Variants in PAFAH1B2 observed in about 807,000 individuals in gnomAD.
PAFAH1B2 encodes platelet activating factor acetylhydrolase 1b catalytic subunit 2.
In PAFAH1B2, 8 loss-of-function variants were observed where a neutral mutation model predicts 28.0. That is an observed-to-expected ratio of 0.29 (90% CI 0.17 to 0.52). PAFAH1B2 has a LOEUF of 0.52. Ranked by LOEUF, PAFAH1B2 falls within the 20% of genes least tolerant of loss-of-function variation. The probability of loss-of-function intolerance (pLI) is 0.97; values close to 1 mark genes in which losing one functional copy is unlikely to be tolerated. For synonymous variants in PAFAH1B2, 104 were observed against 103.2 expected, an observed-to-expected ratio of 1.01 and a Z score of -0.05; for missense variants, 190 against 282.6, an observed-to-expected ratio of 0.67 and a Z score of 2.35.
intron 1 of PAFAH1B2, among the ~76,000 whole-genome samples, chr11:117,150,595 C>A (rs1280765264): frequency 1.3e-5 from 2 of 151,936 alleles, no homozygotes; most frequent in South Asian, 4.1e-4. Context: ...ACGTTTGGGG[C>A]TTGGTACTTG....
rs1956610089 is a variant in PAFAH1B2 at position 117,169,929 on chromosome 11, C to T, written c.*2230C>T. The T allele has an allele frequency of 9.5e-7, 1 of 1,053,440 alleles. No homozygotes were observed. Among genetic ancestry groups the T allele is most frequent in the Non-Finnish European group, 1.1e-6 (1 of 871,888 alleles). 65.3% of individuals were successfully genotyped at this position (1,053,440 alleles called of 1,614,324 possible). ...TCTCTCTTGACTGAGGATCAAATAT[C>T]CCTTTGTGAGCTGGCCCTCAGCTCC... On this transcript the variant is annotated 3_prime_UTR_variant, in exon 6 of 6. Transcript: ENST00000527958.
intron 1 of PAFAH1B2, among the ~76,000 whole-genome samples, chr11:117,145,112 C>G (rs926360092): frequency 6.6e-6 from 1 of 152,156 alleles, no homozygotes; most frequent in Non-Finnish European, 1.5e-5. Context: ...CATGAATGTG[C>G]TCGGAGCGGC....
At chr11:117,166,211 C>A (rs1956507422) in intron 5 of PAFAH1B2, among the ~76,000 whole-genome samples, 1 of 152,110 alleles carries the variant, frequency 6.6e-6, no homozygotes, top group South Asian at 2.1e-4. Flanking sequence ...GGGGCCAGAT[C>A]TTTTTTATTA....
intron 1 of PAFAH1B2, among the ~76,000 whole-genome samples, chr11:117,144,711 C>T (rs1222951820): frequency 2.6e-5 from 4 of 152,134 alleles, no homozygotes; most frequent in African/African-American, 7.2e-5. Context: ...CCTCCACGGC[C>T]TTTCCCAGGA....
intron 1 of PAFAH1B2, among the ~76,000 whole-genome samples, chr11:117,145,002 G>C (rs1367056116): frequency 6.6e-6 from 1 of 152,094 alleles, no homozygotes; most frequent in African/African-American, 2.4e-5. Flanking sequence ...AAACTTCTCC[G>C]TTGCCTCTTA....
At position 117,170,804 on chromosome 11, in the gene PAFAH1B2, G is replaced by T; in HGVS notation, c.*3105G>T. ...AAAAATATATGGAAATGAGGAGCAT[G>T]TCCAAGCTCCTAAATCCGTGTGGGT... On this transcript the variant is annotated 3_prime_UTR_variant, in exon 6 of 6. Coordinates refer to ENST00000527958, the MANE Select transcript of PAFAH1B2 (RefSeq NM_002572.4). The T allele has an allele frequency of 9.4e-7, 1 of 1,060,444 alleles. No individual in the cohort carries two copies. The highest frequency in any genetic ancestry group is 1.1e-6 in the Non-Finnish European group (1 of 876,236). 65.7% of individuals were successfully genotyped at this position (1,060,444 alleles called of 1,614,324 possible).
intron 4 of PAFAH1B2, among the ~76,000 whole-genome samples, chr11:117,163,463 G>T (rs373620500): frequency 1.5e-4 from 23 of 152,304 alleles, no homozygotes; most frequent in African/African-American, 5.1e-4. Flanking sequence ...CCTGAGGTCA[G>T]GAGTTTGAGA....
At chr11:117,149,033 A>ATTTTTTTTTTTT (rs71037462) in intron 1 of PAFAH1B2, among the ~76,000 whole-genome samples, 154 of 118,600 alleles carry the variant, frequency 1.3e-3, no homozygotes, top group Middle Eastern at 4.3e-3. Context: ...ACACCTGCCA[A>ATTTTTTTTTTTT]TTTTTTTTTT....
chr11:117,146,114 C>CTTT (rs376242740), intron 1 of PAFAH1B2, among the ~76,000 whole-genome samples: 12 of 137,972 alleles, frequency 8.7e-5, no homozygotes, highest in East Asian at 2.1e-4. Flanking sequence ...GTCTTTCTTT[C>CTTT]TTTTTTTTTT....
chr11:117,168,446 GTTTTTTTT>G lies in PAFAH1B2; in HGVS notation c.*765_*772del, dbSNP rs71469127. The G allele has an allele frequency of 3.3e-4, 79 of 235,916 alleles. No homozygotes were observed. In the African/African-American group the frequency reaches 4.9e-3, roughly 15 times the overall value. 14.6% of individuals were successfully genotyped at this position (235,916 alleles called of 1,614,324 possible). ...TCCCCTTCATTCCCCCCGCCACCCC[GTTTTTTTT>G]TTTTTTTTTTTTTTTTTGGTTCTTG... is the stretch of plus-strand genomic sequence containing the variant. On this transcript the variant is annotated 3_prime_UTR_variant, in exon 6 of 6. Coordinates refer to ENST00000527958, the MANE Select transcript of PAFAH1B2 (RefSeq NM_002572.4).
chr11:117,162,796 C>T (rs994239267), intron 4 of PAFAH1B2, among the ~76,000 whole-genome samples: 1 of 151,760 alleles, frequency 6.6e-6, no homozygotes, highest in Non-Finnish European at 1.5e-5. Flanking sequence ...TGCATCCAGC[C>T]TCCACCTCTG....
chr11:117,163,861 C>G lies in PAFAH1B2; in HGVS notation c.380C>G (p.Thr127Arg). 1.9e-6 allele frequency: 3 copies of G among 1,613,904 alleles called. No homozygotes were observed. Among genetic ancestry groups the G allele is most frequent in the Non-Finnish European group, 2.5e-6 (3 of 1,179,926 alleles). ...GIEAIVQLIN[T>R]RQPQAKIIVL... ...GAGGCCATTGTACAACTTATCAACA[C>G]AAGGCAGCCACAGGCCAAAATCATT... The change falls in exon 5 of 6, where the codon ACA becomes AGA. Residue 127 changes from threonine to arginine, a missense_variant. Physicochemically the swap from Thr to Arg is moderately conservative, Grantham distance 71. Transcript: ENST00000527958.
At chr11:117,167,331 G>A (rs1255492252) in intron 5 of PAFAH1B2, 90 bp from the exon 6 acceptor site, 19 of 1,289,006 alleles carry the variant, frequency 1.5e-5, no homozygotes, top group Non-Finnish European at 2.0e-5. Flanking sequence ...AGTGCCAAAT[G>A]GAGATGTTCC....
intron 1 of PAFAH1B2, among the ~76,000 whole-genome samples, chr11:117,149,788 C>T (rs937381954): frequency 3.9e-5 from 6 of 152,020 alleles, no homozygotes; most frequent in African/African-American, 1.2e-4. Flanking sequence ...TTAAGATTCA[C>T]ATGAACAGTA....
At chr11:117,149,965 T>C (rs1046715338) in intron 1 of PAFAH1B2, among the ~76,000 whole-genome samples, 1 of 151,872 alleles carries the variant, frequency 6.6e-6, no homozygotes, top group Non-Finnish European at 1.5e-5. Context: ...GGTGTGGCGG[T>C]GCATGCCTGT....
At chr11:117,175,808 T>A, downstream of PAFAH1B2, 4 of 1,241,552 alleles carry the variant, frequency 3.2e-6, no homozygotes, top group Non-Finnish European at 4.5e-6. Flanking sequence ...GGTGCTTGCC[T>A]GTAATCCAGC....
chr11:117,170,297 A>G lies in PAFAH1B2; in HGVS notation c.*2598A>G. Reference sequence around the variant, plus strand: ...AACTTTCCAGGCAGCTAGCAGAGATACTATTCTCTTCCTCTCCCAGCAAAT... The same window carrying G: ...AACTTTCCAGGCAGCTAGCAGAGATGCTATTCTCTTCCTCTCCCAGCAAAT... On this transcript the variant is annotated 3_prime_UTR_variant, in exon 6 of 6. Transcript: ENST00000527958. The G allele has an allele frequency of 9.4e-7, 1 of 1,062,170 alleles. No individual in the cohort carries two copies. Among genetic ancestry groups the G allele is most frequent in the Non-Finnish European group, 1.1e-6 (1 of 877,764 alleles). The allele number at this position is 1,062,170 out of a possible 1,614,324, so 65.8% of individuals were successfully genotyped here. A position where few individuals can be genotyped will look rare whatever the true frequency, so the allele number is the denominator to read the frequency against.
chr11:117,168,014 A>G lies in PAFAH1B2; in HGVS notation c.*315A>G. The G allele has an allele frequency of 2.8e-6, 3 of 1,075,104 alleles. No individual in the cohort carries two copies. Among genetic ancestry groups the G allele is most frequent in the Non-Finnish European group, 3.4e-6 (3 of 886,182 alleles). The allele number at this position is 1,075,104 out of a possible 1,614,324, so 66.6% of individuals were successfully genotyped here. A position where few individuals can be genotyped will look rare whatever the true frequency, so the allele number is the denominator to read the frequency against. ...TCTTGGGACAACATCAAGCCTAAAT[A>G]CTGAACAATATGAAGATTCTTTTCT... On this transcript the variant is annotated 3_prime_UTR_variant, in exon 6 of 6. Coordinates refer to ENST00000527958, the MANE Select transcript of PAFAH1B2 (RefSeq NM_002572.4).
In PAFAH1B2 at chr11:117,168,343, T is replaced by C; in HGVS notation, c.*644T>C. 9.4e-7 allele frequency: 1 copy of C among 1,064,128 alleles called. No individual in the cohort carries two copies. The highest frequency in any genetic ancestry group is 1.1e-6 in the Non-Finnish European group (1 of 878,560). 65.9% of individuals were successfully genotyped at this position (1,064,128 alleles called of 1,614,324 possible). ...AGGGATTCTTTGGAGGGTATTATTT[T>C]TTATGCTGCTGAATATCATGTCTAT... On this transcript the variant is annotated 3_prime_UTR_variant, in exon 6 of 6. Transcript: ENST00000527958.
Sources: gnomAD v4.1 joint callset for allele counts (sites outside exome capture counted in the v4.1 genomes callset) on GRCh38, gnomAD v4.1.1 for gene constraint, MANE v1.5 for transcripts, NCBI Gene and HGNC (gene_info 2026-07-23, HGNC 2026-07-21) for gene names.